The following TRHR variants were observed in gnomAD, a reference collection of about 807,000 sequenced individuals.
TRHR encodes thyrotropin releasing hormone receptor, also known as thyrotropin-releasing hormone receptor.
A neutral mutation model predicts 28.0 loss-of-function variants in TRHR; 14 were observed. The ratio of observed to expected loss-of-function variants is 0.50; its 90% confidence interval spans 0.33 to 0.78. The LOEUF (loss-of-function observed/expected upper bound fraction) is 0.78, where lower values mean the gene tolerates loss of function less well. TRHR is among the 30% of genes least tolerant of loss of function. TRHR has a pLI of 0.02. For missense variants in TRHR, 438 were observed against 469.5 expected (o/e 0.93, Z 0.62); for synonymous variants, 176 against 171.9 (o/e 1.02, Z -0.18).
intron 2 of TRHR, among the ~76,000 whole-genome samples, chr8:109,113,044 A>T (rs907995305): frequency 6.6e-6 from 1 of 152,114 alleles, no homozygotes; most frequent in Non-Finnish European, 1.5e-5. Context: ...TCATTTTCTC[A>T]TGCATTTTCT....
intron 2 of TRHR, among the ~76,000 whole-genome samples, chr8:109,098,087 T>C (rs73311315): frequency 0.085 from 12,908 of 151,858 alleles, 846 homozygotes; most frequent in African/African-American, 0.19. Flanking sequence ...TCTCCTGCCT[T>C]GCCACATGTG....
At chr8:109,117,166 G>T (rs1486080663) in intron 2 of TRHR, among the ~76,000 whole-genome samples, 1 of 151,952 alleles carries the variant, frequency 6.6e-6, no homozygotes, top group African/African-American at 2.4e-5. Context: ...AAGTGTTTGG[G>T]TGATCATAAT....
intron 2 of TRHR, among the ~76,000 whole-genome samples, chr8:109,101,185 T>A (rs1811672888): frequency 6.6e-6 from 1 of 152,138 alleles, no homozygotes; most frequent in East Asian, 1.9e-4. Flanking sequence ...TGGAACAATA[T>A]GGGCAAGATA....
At chr8:109,094,597 A>G (rs1473915424) in intron 2 of TRHR, among the ~76,000 whole-genome samples, 1 of 152,004 alleles carries the variant, frequency 6.6e-6, no homozygotes, top group Non-Finnish European at 1.5e-5. Context: ...CATCCTGTAT[A>G]AGAAAAGATT....
chr8:109,119,036 A>G lies in TRHR; in HGVS notation c.790-12A>G, dbSNP rs774703863. ...TTGTGTTTGTACAGCATTTCTCTCT[A>G]TTTCTCCCTAGGTCACCAAGATGCT... is the stretch of plus-strand genomic sequence containing the variant. On this transcript the variant is annotated splice_polypyrimidine_tract_variant and intron_variant, in intron 2 of 2. Coordinates refer to ENST00000518632, the MANE Select transcript of TRHR (RefSeq NM_003301.7). 6.2e-7 allele frequency: 1 copy of G among 1,611,854 alleles called. No homozygotes were observed. The highest frequency in any genetic ancestry group is 1.7e-5 in the Admixed American group (1 of 59,864).
At chr8:109,116,179 T>C (rs948109556) in intron 2 of TRHR, among the ~76,000 whole-genome samples, 1 of 152,188 alleles carries the variant, frequency 6.6e-6, no homozygotes, top group Non-Finnish European at 1.5e-5. Context: ...ATAAGCTTTT[T>C]GATGTGCTGC....
intron 2 of TRHR, among the ~76,000 whole-genome samples, chr8:109,109,532 T>A (rs951650961): frequency 6.6e-6 from 1 of 152,212 alleles, no homozygotes; most frequent in African/African-American, 2.4e-5. Context: ...ATTATCTTTC[T>A]TCCTTTAATC....
chr8:109,114,432 C>T (rs978379122), intron 2 of TRHR, among the ~76,000 whole-genome samples: 21 of 152,028 alleles, frequency 1.4e-4, no homozygotes, highest in Non-Finnish European at 8.8e-5. Flanking sequence ...TATGCCTGTA[C>T]CCCTTTTTGC....
At chr8:109,109,121 G>A (rs1020880850) in intron 2 of TRHR, among the ~76,000 whole-genome samples, 2 of 152,114 alleles carry the variant, frequency 1.3e-5, no homozygotes, top group Admixed American at 6.6e-5. Flanking sequence ...TGTTAGGTGC[G>A]ATAGGCATAA....
chr8:109,088,038 G>A lies in TRHR; in HGVS notation c.526G>A (p.Val176Met), dbSNP rs1469382724. The A allele has an allele frequency of 4.3e-6, 7 of 1,614,076 alleles. No individual in the cohort carries two copies. The highest frequency in any genetic ancestry group is 5.9e-6 in the Non-Finnish European group (7 of 1,180,026). The change falls in exon 2 of 3, where the codon GTG becomes ATG. Residue 176 changes from valine to methionine, a missense_variant. Val to Met is a conservative substitution (Grantham distance 21). Transcript: ENST00000518632. ...TATTAGCACCTACAAAGATGCTATTGTGATATCCTGTGGCTACAAGATCTC... is the reference window on the plus strand; with the variant it reads ...TATTAGCACCTACAAAGATGCTATTATGATATCCTGTGGCTACAAGATCTC... ...LNISTYKDAI[V>M]ISCGYKISRN... is the part of the protein sequence containing the mutation.
chr8:109,102,042 G>A (rs1811684615), intron 2 of TRHR, among the ~76,000 whole-genome samples: 1 of 152,110 alleles, frequency 6.6e-6, no homozygotes, highest in Non-Finnish European at 1.5e-5. Flanking sequence ...TAAGGACTGA[G>A]AAGTACCCAG....
chr8:109,104,720 T>C (rs1327529167), intron 2 of TRHR, among the ~76,000 whole-genome samples: 2 of 152,230 alleles, frequency 1.3e-5, no homozygotes, highest in East Asian at 1.9e-4. Flanking sequence ...TCAGAGAGCA[T>C]AGTTTTGAAA....
At chr8:109,095,308 G>GA (rs1329650198) in intron 2 of TRHR, among the ~76,000 whole-genome samples, 1 of 152,092 alleles carries the variant, frequency 6.6e-6, no homozygotes, top group Non-Finnish European at 1.5e-5. Flanking sequence ...AAAATGGGGG[G>GA]AGGCTTTTGG....
At chr8:109,094,365 C>G (rs910269454) in intron 2 of TRHR, among the ~76,000 whole-genome samples, 1 of 151,942 alleles carries the variant, frequency 6.6e-6, no homozygotes, top group Non-Finnish European at 1.5e-5. Context: ...AATCATCCTG[C>G]TTCAGTCTCC....
chr8:109,103,391 A>G (rs1256455944), intron 2 of TRHR, among the ~76,000 whole-genome samples: 3 of 152,202 alleles, frequency 2.0e-5, no homozygotes, highest in African/African-American at 7.2e-5. Context: ...TGCACACAGT[A>G]CTTGACTTTA....
chr8:109,093,161 A>T (rs1811539784), intron 2 of TRHR, among the ~76,000 whole-genome samples: 1 of 152,064 alleles, frequency 6.6e-6, no homozygotes, highest in Non-Finnish European at 1.5e-5. Context: ...GTCATATGAG[A>T]TATATCAGAA....
chr8:109,098,918 C>T (rs1811636266), intron 2 of TRHR, among the ~76,000 whole-genome samples: 1 of 151,606 alleles, frequency 6.6e-6, no homozygotes, highest in East Asian at 1.9e-4. Context: ...TTTTCAAATG[C>T]CCCTTTCTCT....
At chr8:109,096,461 C>A (rs1442915082) in intron 2 of TRHR, among the ~76,000 whole-genome samples, 2 of 152,194 alleles carry the variant, frequency 1.3e-5, no homozygotes, top group East Asian at 1.9e-4. Flanking sequence ...CCCACTCTCA[C>A]TAACATCCCA....
rs1563629363 is a variant in TRHR at position 109,119,937 on chromosome 8, G to GAA, written c.*486_*487dup. Among the ~76,000 whole-genome samples, 1 of 151,670 alleles carries GAA rather than the reference G, an allele frequency of 6.6e-6. No homozygotes were observed. The highest frequency in any genetic ancestry group is 2.4e-5 in the African/African-American group (1 of 41,340). On this transcript the variant is annotated 3_prime_UTR_variant, in exon 3 of 3. Transcript: ENST00000518632. ...GTTCATGAATATCTGAAATTAAAGG[G>GAA]AAAAATATTACAGAAACATTTTATT... is the stretch of plus-strand genomic sequence containing the variant.
Sources: allele counts gnomAD v4.1 joint callset (sites outside exome capture counted in the v4.1 genomes callset), GRCh38; gene constraint gnomAD v4.1.1; transcripts MANE v1.5; gene names NCBI Gene and HGNC (gene_info 2026-07-23, HGNC 2026-07-21).